Variants in C2orf80 observed in about 807,000 individuals in gnomAD.
C2orf80 encodes the protein uncharacterized protein C2orf80.
Under a neutral mutation model 30.2 loss-of-function variants are expected in C2orf80, and 28 were observed. The observed-to-expected ratio is 0.93, with a 90% confidence interval of 0.69 to 1.27. The LOEUF is 1.27. Ranked by LOEUF, C2orf80 falls within the 50% of genes most tolerant of loss-of-function variation. The pLI, the probability that C2orf80 is intolerant of heterozygous loss-of-function variation, is 0.00. For synonymous variants in C2orf80, 80 were observed against 76.4 expected, an observed-to-expected ratio of 1.05 and a Z score of -0.24; for missense variants, 220 against 231.0, an observed-to-expected ratio of 0.95 and a Z score of 0.31.
Position 208,165,773 on chromosome 2 carries a change from C to G in C2orf80, c.*34G>C. On this transcript the variant is annotated 3_prime_UTR_variant, in exon 9 of 9. Coordinates refer to ENST00000341287, the MANE Select transcript of C2orf80 (RefSeq NM_001099334.3). ...TGCTTCTCGTCTGCTCCCAGAGAAT[C>G]TATTATGAAGTTCCATGGTACAATT... 1 of 1,612,294 alleles carries G rather than the reference C, an allele frequency of 6.2e-7. No homozygotes were observed. The highest frequency in any genetic ancestry group is 8.5e-7 in the Non-Finnish European group (1 of 1,179,554).
At chr2:208,188,448 ATT>A (rs1177780286) in intron 1 of C2orf80, among the ~76,000 whole-genome samples, 9 of 140,130 alleles carry the variant, frequency 6.4e-5, no homozygotes, top group Non-Finnish European at 7.9e-5. Flanking sequence ...ATTATTTTGG[ATT>A]TTTTTTTTTT....
At chr2:208,172,208 A>AGTACT in intron 6 of C2orf80, 133 bp from the exon 7 acceptor site, 1 of 759,614 alleles carries the variant, frequency 1.3e-6, no homozygotes. Context: ...TCCAACGGAC[A>AGTACT]CACTGTCCAC....
chr2:208,185,416 A>G lies in C2orf80; in HGVS notation c.42-384T>C, dbSNP rs571965357. On this transcript the variant is annotated intron_variant, in intron 2 of 8. Transcript: ENST00000341287. Reference sequence around the variant, plus strand: ...CAAGCAGCATGTCCAAAGTTGATACATTCCAGATATATAAAATTCTGTAGG... The same window carrying G: ...CAAGCAGCATGTCCAAAGTTGATACGTTCCAGATATATAAAATTCTGTAGG... Among the ~76,000 whole-genome samples the G allele has an allele frequency of 5.3e-5, 8 of 152,352 alleles. No homozygotes were observed. In the South Asian group the frequency reaches 1.2e-3, roughly 24 times the overall value.
At chr2:208,166,211 G>A (rs994268373) in intron 8 of C2orf80, among the ~76,000 whole-genome samples, 1 of 151,994 alleles carries the variant, frequency 6.6e-6, no homozygotes, top group African/African-American at 2.4e-5. Context: ...TACACACAGA[G>A]GTACATAGAG....
At chr2:208,181,168 C>G in intron 5 of C2orf80, 50 bp downstream of exon 5, 1 of 1,226,446 alleles carries the variant, frequency 8.2e-7, no homozygotes, top group Non-Finnish European at 1.2e-6. Context: ...TAAAAATGCT[C>G]AGAGTAGATA....
intron 6 of C2orf80, among the ~76,000 whole-genome samples, chr2:208,173,091 C>G (rs1696154366): frequency 7.2e-6 from 1 of 139,498 alleles, no homozygotes; most frequent in African/African-American, 2.7e-5. Context: ...TGCACTCCAG[C>G]CTGGGCAACA....
chr2:208,182,739 C>G (rs1221126200), intron 4 of C2orf80, among the ~76,000 whole-genome samples: 1 of 152,168 alleles, frequency 6.6e-6, no homozygotes, highest in Non-Finnish European at 1.5e-5. Flanking sequence ...AGTCTTTCAT[C>G]TCACTGAAGT....
In C2orf80 at chr2:208,180,960, A is replaced by G. The variant is rs1696539224; in HGVS notation, c.295-144T>C. The G allele has an allele frequency of 7.0e-6, 5 of 715,994 alleles. No homozygotes were observed. In the Admixed American group the frequency reaches 9.0e-5, roughly 13 times the overall value. 44.4% of individuals were successfully genotyped at this position (715,994 alleles called of 1,614,324 possible). A position where few individuals can be genotyped will look rare whatever the true frequency, so the allele number is the denominator to read the frequency against. On this transcript the variant is annotated intron_variant, in intron 5 of 8. Transcript: ENST00000341287. ...AAATACAGTAAATAACTTCTGATCA[A>G]TGGATAAATCAGTTTTCCAGATACC...
At chr2:208,188,086 G>GTA (rs1491469109) in intron 1 of C2orf80, among the ~76,000 whole-genome samples, 1 of 3,604 alleles carries the variant, frequency 2.8e-4, no homozygotes, top group Non-Finnish European at 5.7e-4. Context: ...ATACTGCACC[G>GTA]TGTGTGTGTG....
chr2:208,168,890 C>T (rs1460089566), intron 8 of C2orf80, among the ~76,000 whole-genome samples: 2 of 151,322 alleles, frequency 1.3e-5, no homozygotes, highest in African/African-American at 4.9e-5. Flanking sequence ...GTCCCCAGAA[C>T]TGAGCCTTTG....
intron 6 of C2orf80, among the ~76,000 whole-genome samples, chr2:208,175,087 C>A (rs1366845411): frequency 6.6e-6 from 1 of 152,052 alleles, no homozygotes; most frequent in Non-Finnish European, 1.5e-5. Context: ...AGTTCAAAAC[C>A]AGCCCTGCCA....
chr2:208,169,140 C>T (rs1164538423), intron 8 of C2orf80, among the ~76,000 whole-genome samples: 1 of 151,880 alleles, frequency 6.6e-6, no homozygotes, highest in African/African-American at 2.4e-5. Context: ...AAATAAGATA[C>T]CAATGAGTAA....
At chr2:208,183,788 G>A (rs572907278) in intron 3 of C2orf80, among the ~76,000 whole-genome samples, 1 of 152,232 alleles carries the variant, frequency 6.6e-6, no homozygotes, top group Admixed American at 6.5e-5. Flanking sequence ...AGTTTCACAC[G>A]CACGTATAGT....
At chr2:208,168,859 A>T (rs373077808) in intron 8 of C2orf80, among the ~76,000 whole-genome samples, 1 of 150,488 alleles carries the variant, frequency 6.6e-6, no homozygotes, top group African/African-American at 2.5e-5. Context: ...GCAAGCATCA[A>T]TCAGCCTATA....
intron 6 of C2orf80, among the ~76,000 whole-genome samples, chr2:208,174,117 G>A (rs922973861): frequency 6.6e-6 from 1 of 151,952 alleles, no homozygotes; most frequent in South Asian, 2.1e-4. Context: ...CATGCCTGGC[G>A]AATTTTTGTA....
intron 1 of C2orf80, among the ~76,000 whole-genome samples, chr2:208,188,415 G>C (rs1431552552): frequency 6.6e-6 from 1 of 151,590 alleles, no homozygotes; most frequent in South Asian, 2.1e-4. Context: ...TGATCTAAAT[G>C]AATGCTTCCC....
intron 6 of C2orf80, among the ~76,000 whole-genome samples, chr2:208,176,939 A>T (rs1479205729): frequency 2.2e-5 from 1 of 45,814 alleles, no homozygotes; most frequent in African/African-American, 9.2e-5. Context: ...ATGTATACAT[A>T]TCTGTATACA....
intron 8 of C2orf80, among the ~76,000 whole-genome samples, chr2:208,167,623 C>G (rs1389767805): frequency 6.6e-6 from 1 of 152,106 alleles, no homozygotes; most frequent in Non-Finnish European, 1.5e-5. Flanking sequence ...GTTGCCCAGG[C>G]TGGAGTGCGC....
intron 3 of C2orf80, among the ~76,000 whole-genome samples, chr2:208,183,763 A>G (rs1433923364): frequency 2.0e-5 from 3 of 152,154 alleles, no homozygotes; most frequent in African/African-American, 7.2e-5. Flanking sequence ...AGACCTGAGT[A>G]AGTGACTTGC....
Sources: allele counts gnomAD v4.1 joint callset (sites outside exome capture counted in the v4.1 genomes callset), GRCh38; gene constraint gnomAD v4.1.1; transcripts MANE v1.5; gene names NCBI Gene and HGNC (gene_info 2026-07-23, HGNC 2026-07-21).